Variants in DEFB108B observed in about 807,000 individuals in gnomAD.
DEFB108B encodes the protein beta-defensin 108B.
In DEFB108B, 3 loss-of-function variants were observed where a neutral mutation model predicts 2.4. The ratio of observed to expected loss-of-function variants is 1.25; its 90% CI spans 0.57 to 3.24. The LOEUF is 3.24. DEFB108B is among the 30% of genes most tolerant of loss of function. The pLI is 0.03. For missense variants in DEFB108B, 101 were observed against 87.8 expected (o/e 1.15, Z -0.60); for synonymous variants, 25 against 28.7 (o/e 0.87, Z 0.41).
At chr11:71,834,120 G>A (rs1183904872) in intron 1 of DEFB108B, among the ~76,000 whole-genome samples, 5 of 152,150 alleles carry the variant, frequency 3.3e-5, no homozygotes, top group Admixed American at 1.3e-4. Flanking sequence ...TCAACAGTGG[G>A]GTAAATGTCA....
intron 1 of DEFB108B, 26 bp downstream of exon 1, chr11:71,833,283 A>G (rs1487200139): frequency 1.3e-6 from 2 of 1,554,012 alleles, no homozygotes; most frequent in South Asian, 2.3e-5. Flanking sequence ...TGGTAAGAGT[A>G]GAGTGCCTAA....
intron 1 of DEFB108B, 75 bp from the exon 2 acceptor site, chr11:71,837,324 C>T (rs899327092): frequency 6.5e-7 from 1 of 1,549,674 alleles, no homozygotes; most frequent in African/African-American, 1.4e-5. Flanking sequence ...AAGCACTGCC[C>T]CCTACATCCA....
At chr11:71,836,993 C>A in intron 1 of DEFB108B, 1 of 168,846 alleles carries the variant, frequency 5.9e-6, no homozygotes, top group Admixed American at 6.2e-5. Context: ...AAGAGATGAA[C>A]CAAAAGAGAT....
At chr11:71,833,494 C>T (rs747495820) in intron 1 of DEFB108B, among the ~76,000 whole-genome samples, 1 of 152,134 alleles carries the variant, frequency 6.6e-6, no homozygotes, top group Non-Finnish European at 1.5e-5. Flanking sequence ...CCAAATTAGG[C>T]AAGTTTACTA....
intron 1 of DEFB108B, chr11:71,837,073 C>T (rs758132608): frequency 2.6e-5 from 6 of 232,214 alleles, no homozygotes; most frequent in Admixed American, 5.5e-5. Flanking sequence ...CTGAAATCTC[C>T]CATCAGTGTT....
chr11:71,835,052 ATAATTTTAAAAAGCCCTTTG>A lies in DEFB108B; in HGVS notation c.58+1802_58+1821del, dbSNP rs1159792870. ...TCTTGTAAATGAACAATGGTACATC[ATAATTTTAAAAAGCCCTTTG>A]TAATTTCAATTTTTTAAAATAATTT... On this transcript the variant is annotated intron_variant, in intron 1 of 1. Transcript: ENST00000328698. Among the ~76,000 whole-genome samples, 93 of 152,372 alleles carry A rather than the reference ATAATTTTAAAAAGCCCTTTG, an allele frequency of 6.1e-4. 2 individuals are homozygous for A. Among genetic ancestry groups the A allele is most frequent in the Admixed American group, 2.5e-3 (39 of 15,300 alleles).
chr11:71,836,678 T>A (rs1001282811), intron 1 of DEFB108B, among the ~76,000 whole-genome samples: 1 of 152,246 alleles, frequency 6.6e-6, no homozygotes, highest in Non-Finnish European at 1.5e-5. Flanking sequence ...AGACCTTGAA[T>A]GTTTCACTCT....
Position 71,837,379 on chromosome 11 carries a change from T to C in DEFB108B, c.59-20T>C, listed in dbSNP as rs1243426323. The C allele has an allele frequency of 1.2e-6, 2 of 1,611,222 alleles. No individual in the cohort carries two copies. Among genetic ancestry groups the C allele is most frequent in the East Asian group, 2.2e-5 (1 of 44,870 alleles). On this transcript the variant is annotated intron_variant, in intron 1 of 1. Transcript: ENST00000328698. ...AAGAAAGACTGGTGAATGGTTACAATAACCCTCTTCTTCATGTAGCCAGGG... is the reference window on the plus strand; with the variant it reads ...AAGAAAGACTGGTGAATGGTTACAACAACCCTCTTCTTCATGTAGCCAGGG...
At chr11:71,834,232 G>C (rs1952200217) in intron 1 of DEFB108B, among the ~76,000 whole-genome samples, 1 of 152,030 alleles carries the variant, frequency 6.6e-6, no homozygotes, top group Admixed American at 6.6e-5. Flanking sequence ...CCTGAAAAAA[G>C]GTGATACCAT....
rs1286073679 is a variant in DEFB108B at position 71,835,933 on chromosome 11, C to G, written c.59-1466C>G. 2.6e-5 allele frequency among the ~76,000 whole-genome samples: 4 copies of G among 152,086 alleles called. No homozygotes were observed. In the East Asian group the frequency reaches 7.7e-4, roughly 29 times the overall value. The stretch of plus-strand genomic sequence containing the variant: ...GAATTGAGGTCAGATGAGAAAACAC[C>G]ACCCGTAGTAGAATGCAAGAAGTAC... On this transcript the variant is annotated intron_variant, in intron 1 of 1. Coordinates refer to ENST00000328698, the MANE Select transcript of DEFB108B (RefSeq NM_001002035.2).
chr11:71,835,014 A>G (rs575376976), intron 1 of DEFB108B, among the ~76,000 whole-genome samples: 47 of 152,354 alleles, frequency 3.1e-4, no homozygotes, highest in African/African-American at 1.1e-3. Flanking sequence ...AAAATCCCTA[A>G]TGTTACTTGA....
chr11:71,835,915 G>A (rs913988520), intron 1 of DEFB108B, among the ~76,000 whole-genome samples: 2 of 152,172 alleles, frequency 1.3e-5, no homozygotes, highest in Non-Finnish European at 1.5e-5. Context: ...CAAGAATTGA[G>A]GTCAGATGAG....
chr11:71,837,361 A>G, intron 1 of DEFB108B, 38 bp from the exon 2 acceptor site: 1 of 1,607,834 alleles, frequency 6.2e-7, no homozygotes, highest in Non-Finnish European at 8.5e-7. Context: ...GTAAAGAAAG[A>G]CTGGTGAATG....
At chr11:71,833,852 A>AC (rs1310026300) in intron 1 of DEFB108B, among the ~76,000 whole-genome samples, 7 of 152,106 alleles carry the variant, frequency 4.6e-5, no homozygotes, top group Non-Finnish European at 8.8e-5. Flanking sequence ...ATGACCCCAC[A>AC]CCAGGGCATA....
At chr11:71,835,541 T>C (rs1427549146) in intron 1 of DEFB108B, among the ~76,000 whole-genome samples, 1 of 152,250 alleles carries the variant, frequency 6.6e-6, no homozygotes, top group African/African-American at 2.4e-5. Flanking sequence ...ACCACTGTGA[T>C]GAACATACAA....
At chr11:71,835,797 C>CA (rs2121254114) in intron 1 of DEFB108B, among the ~76,000 whole-genome samples, 1 of 152,112 alleles carries the variant, frequency 6.6e-6, no homozygotes, top group South Asian at 2.1e-4. Flanking sequence ...TCAATTATTC[C>CA]ACAATCATTT....
intron 1 of DEFB108B, 27 bp downstream of exon 1, chr11:71,833,284 G>C (rs1208920667): frequency 5.1e-6 from 8 of 1,555,662 alleles, no homozygotes; most frequent in Admixed American, 1.7e-5. Context: ...GGTAAGAGTA[G>C]AGTGCCTAAC....
At position 71,837,657 on chromosome 11, in the gene DEFB108B, G is replaced by C. The variant is rs1394583335; in HGVS notation, c.*95G>C. 8.2e-6 allele frequency: 12 copies of C among 1,464,144 alleles called. No individual in the cohort carries two copies. The East Asian group carries it at 2.7e-4, about 34-fold the overall frequency. The allele number at this position is 1,464,144 out of a possible 1,614,324, so 90.7% of individuals were successfully genotyped here. On this transcript the variant is annotated 3_prime_UTR_variant, in exon 2 of 2. Transcript: ENST00000328698. ...TTTCCCTCTCTCCATTTTTCTCACA[G>C]GGATTTTTATTGAATCCTCAAAAAA...
chr11:71,833,630 A>G (rs1952194941), intron 1 of DEFB108B, among the ~76,000 whole-genome samples: 1 of 152,234 alleles, frequency 6.6e-6, no homozygotes, highest in Non-Finnish European at 1.5e-5. Flanking sequence ...GCTATGCCAA[A>G]GCTGTGGTAG....
Sources: gnomAD v4.1 joint callset for allele counts (sites outside exome capture counted in the v4.1 genomes callset) on GRCh38, gnomAD v4.1.1 for gene constraint, MANE v1.5 for transcripts, NCBI Gene and HGNC (gene_info 2026-07-23, HGNC 2026-07-21) for gene names.